The following GPR139 variants were observed in gnomAD, a reference collection of about 807,000 sequenced individuals.
GPR139 encodes probable G protein-coupled receptor 139.
Under a neutral mutation model 25.8 loss-of-function variants are expected in GPR139, and 12 were observed. The ratio of observed to expected loss-of-function variants is 0.47; its 90% CI spans 0.30 to 0.75. The LOEUF is 0.75. GPR139 is among the 30% of genes least tolerant of loss of function. The pLI, the probability that GPR139 is intolerant of heterozygous loss-of-function variation, is 0.07. For synonymous variants in GPR139, 184 were observed against 179.9 expected, an observed-to-expected ratio of 1.02 and a Z score of -0.18; for missense variants, 380 against 450.2, an observed-to-expected ratio of 0.84 and a Z score of 1.41.
At chr16:20,044,736 C>T (rs577580645) in intron 1 of GPR139, among the ~76,000 whole-genome samples, 1 of 152,260 alleles carries the variant, frequency 6.6e-6, no homozygotes, top group African/African-American at 2.4e-5. Context: ...CAGGCAATAC[C>T]TAATAACTAC....
At chr16:20,034,077 G>A (rs72771093) in intron 1 of GPR139, among the ~76,000 whole-genome samples, 27,964 of 151,842 alleles carry the variant, frequency 0.18, 3,338 homozygotes, top group East Asian at 0.35. Context: ...ATATCTAGAA[G>A]TCATTCTACA....
intron 1 of GPR139, among the ~76,000 whole-genome samples, chr16:20,055,264 G>A (rs1394140930): frequency 6.6e-6 from 1 of 152,166 alleles, no homozygotes; most frequent in African/African-American, 2.4e-5. Context: ...CAGGGACATG[G>A]ATAGAGCTGA....
At position 20,029,486 on chromosome 16, in the gene GPR139, T is replaced by TAAATAAATAA. The variant is rs76533933; in HGVS notation, c.*2248_*2249insTTATTTATTT. Among the ~76,000 whole-genome samples, 9,319 of 120,344 alleles carry TAAATAAATAA rather than the reference T, an allele frequency of 0.077. 454 individuals carry two copies. Among genetic ancestry groups the TAAATAAATAA allele is most frequent in the Admixed American group, 0.18 (2,232 of 12,424 alleles). 79.0% of individuals were successfully genotyped at this position (120,344 alleles called of 152,430 possible). On this transcript the variant is annotated 3_prime_UTR_variant, in exon 2 of 2. Transcript: ENST00000570682. ...CATGTTTAAAAAATAAATAAATAAATATATATATATATATATATTCAGTAT... is the reference window on the plus strand; with the variant it reads ...CATGTTTAAAAAATAAATAAATAAATAAATAAATAAATATATATATATATATATTCAGTAT...
chr16:20,043,939 C>T (rs1287891179), intron 1 of GPR139, among the ~76,000 whole-genome samples: 1 of 149,836 alleles, frequency 6.7e-6, no homozygotes, highest in East Asian at 1.9e-4. Context: ...CCAGATGAGC[C>T]TTCTAGATCT....
chr16:20,055,011 A>G (rs1336136851), intron 1 of GPR139, among the ~76,000 whole-genome samples: 1 of 152,166 alleles, frequency 6.6e-6, no homozygotes, highest in Non-Finnish European at 1.5e-5. Context: ...TACAGGTGTG[A>G]ACCACTGTGC....
intron 1 of GPR139, among the ~76,000 whole-genome samples, chr16:20,044,034 G>T (rs995917956): frequency 5.3e-5 from 8 of 152,164 alleles, no homozygotes; most frequent in African/African-American, 1.9e-4. Flanking sequence ...GAGTAAAAAT[G>T]GTACCTGGTT....
chr16:20,030,131 T>C lies in GPR139; in HGVS notation c.*1604A>G, dbSNP rs1193724762. ...AGTATTGAGAGCATTGGCTGAAGTT[T>C]AGGGTTTGTGTTGCCATGGGGCCTT... is the stretch of plus-strand genomic sequence containing the variant. On this transcript the variant is annotated 3_prime_UTR_variant, in exon 2 of 2. Transcript: ENST00000570682. Among the ~76,000 whole-genome samples, 3 of 152,226 alleles carry C rather than the reference T, an allele frequency of 2.0e-5. No individual in the cohort carries two copies.
intron 1 of GPR139, among the ~76,000 whole-genome samples, chr16:20,040,317 A>G (rs1171381902): frequency 2.0e-5 from 3 of 152,184 alleles, no homozygotes; most frequent in Non-Finnish European, 2.9e-5. Flanking sequence ...CTATGCTGCA[A>G]TAGATAACCA....
rs1244518828 is a variant in GPR139, at chr16:20,032,244, A to C, written c.553T>G (p.Trp185Gly). 3 of 1,614,222 alleles carry C rather than the reference A, an allele frequency of 1.9e-6. No homozygotes were observed. The South Asian group carries it at 3.3e-5, about 18-fold the overall frequency. ...ISTSVHHVLIWIHCFTVYLVP... is the reference protein window; with the variant it reads ...ISTSVHHVLIGIHCFTVYLVP... Reference sequence around the variant, plus strand: ...AGGTAGACGGTGAAGCAGTGGATCCAGATGAGGACGTGATGCACAGAGGTG... The same window carrying C: ...AGGTAGACGGTGAAGCAGTGGATCCCGATGAGGACGTGATGCACAGAGGTG... Residue 185 changes from tryptophan to glycine, a missense_variant, in exon 2 of 2, where the codon TGG becomes GGG. Transcript: ENST00000570682.
rs1255427340 is a variant in GPR139, at chr16:20,073,873, C to A, written c.-257G>T. ...GCGCTGCGCGGGGCCTCGGGAGGGGCTCCCGGAGCCCGTCTGTGCGCCTCC... is the reference window on the plus strand; with the variant it reads ...GCGCTGCGCGGGGCCTCGGGAGGGGATCCCGGAGCCCGTCTGTGCGCCTCC... On this transcript the variant is annotated 5_prime_UTR_variant, in exon 1 of 2. Transcript: ENST00000570682. The surrounding 1 kb of genome is among the most constrained non-coding windows in gnomAD (Gnocchi z 4.7). 2.4e-6 allele frequency: 1 copy of A among 423,328 alleles called. No homozygotes were observed. The highest frequency in any genetic ancestry group is 4.1e-6 in the Non-Finnish European group (1 of 241,142). The allele number at this position is 423,328 out of a possible 1,614,324, so 26.2% of individuals were successfully genotyped here. A position where few individuals can be genotyped will look rare whatever the true frequency, so the allele number is the denominator to read the frequency against.
At chr16:20,068,995 C>G (rs1263445898) in intron 1 of GPR139, among the ~76,000 whole-genome samples, 1 of 151,680 alleles carries the variant, frequency 6.6e-6, no homozygotes, top group African/African-American at 2.4e-5. Flanking sequence ...CATGTTATTC[C>G]TCTTATATAT....
intron 1 of GPR139, among the ~76,000 whole-genome samples, chr16:20,040,175 A>G (rs961152979): frequency 1.3e-5 from 2 of 152,210 alleles, no homozygotes; most frequent in Non-Finnish European, 2.9e-5. Context: ...AAGTGGGTGT[A>G]GTCCCACTGC....
chr16:20,037,980 C>G (rs1257364230), intron 1 of GPR139, among the ~76,000 whole-genome samples: 1 of 152,072 alleles, frequency 6.6e-6, no homozygotes, highest in Non-Finnish European at 1.5e-5. Context: ...CTTGCCTCAG[C>G]CTCCTGAGTA....
intron 1 of GPR139, among the ~76,000 whole-genome samples, chr16:20,049,292 T>G (rs945035559): frequency 3.3e-5 from 5 of 152,330 alleles, no homozygotes; most frequent in Middle Eastern, 6.8e-3. Flanking sequence ...ATCTGTTTGC[T>G]GTCATTTTCA....
intron 1 of GPR139, among the ~76,000 whole-genome samples, chr16:20,062,955 C>A (rs546673144): frequency 7.9e-5 from 12 of 152,266 alleles, no homozygotes; most frequent in Non-Finnish European, 1.2e-4. Context: ...AGTCTCTGAC[C>A]TCTATTTAGA....
chr16:20,043,929 C>T (rs2057345235), intron 1 of GPR139, among the ~76,000 whole-genome samples: 1 of 151,782 alleles, frequency 6.6e-6, no homozygotes, highest in Non-Finnish European at 1.5e-5. Context: ...CCTGACAGAT[C>T]CAGATGAGCC....
rs66745046 is a variant in GPR139, at chr16:20,029,482, TAA to T, written c.*2251_*2252del. On this transcript the variant is annotated 3_prime_UTR_variant, in exon 2 of 2. Coordinates refer to ENST00000570682, the MANE Select transcript of GPR139 (RefSeq NM_001002911.4). ...GCTACATGTTTAAAAAATAAATAAATAAATATATATATATATATATATTCAGT... is the reference window on the plus strand; with the variant it reads ...GCTACATGTTTAAAAAATAAATAAATATATATATATATATATATATTCAGT... 0.073 allele frequency among the ~76,000 whole-genome samples: 1,727 copies of T among 23,810 alleles called. 22 individuals are homozygous for T. Among genetic ancestry groups the T allele is most frequent in the African/African-American group, 0.17 (1,599 of 9,142 alleles). The allele number at this position is 23,810 out of a possible 152,430, so 15.6% of individuals were successfully genotyped here. A position where few individuals can be genotyped will look rare whatever the true frequency, so the allele number is the denominator to read the frequency against.
chr16:20,073,610 G>A lies in GPR139; in HGVS notation c.7C>T (p.His3Tyr), dbSNP rs2057468958. 1 of 1,603,852 alleles carries A rather than the reference G, an allele frequency of 6.2e-7. No individual in the cohort carries two copies. Reference protein sequence around the residue: MEHTHAHLAANSS... With the variant: MEYTHAHLAANSS... ...TTGGCTGCGAGGTGGGCGTGCGTGT[G>A]CTCCATGAGCGCGCCCCTCGCTCCC... is the stretch of plus-strand genomic sequence containing the variant. Residue 3 changes from histidine to tyrosine, a missense_variant, in exon 1 of 2, where the codon CAC (histidine) becomes TAC (tyrosine). His to Tyr is a moderately conservative substitution (Grantham distance 83, BLOSUM62 2). Coordinates refer to ENST00000570682, the MANE Select transcript of GPR139 (RefSeq NM_001002911.4). This position sits in a 1 kb window ranked among gnomAD's most constrained non-coding sequence, Gnocchi z 4.7.
chr16:20,031,092 G>C lies in GPR139; in HGVS notation c.*643C>G, dbSNP rs1010202674. Among the ~76,000 whole-genome samples, 6 of 152,122 alleles carry C rather than the reference G, an allele frequency of 3.9e-5. No homozygotes were observed. The highest frequency in any genetic ancestry group is 7.4e-5 in the Non-Finnish European group (5 of 68,024). ...AAACTGCCTTTTAGACCCCAGGTTT[G>C]AGGTCACAGCTATGCGGGTTTGGAG... On this transcript the variant is annotated 3_prime_UTR_variant, in exon 2 of 2. Coordinates refer to ENST00000570682, the MANE Select transcript of GPR139 (RefSeq NM_001002911.4).
Sources: allele counts gnomAD v4.1 joint callset (sites outside exome capture counted in the v4.1 genomes callset), GRCh38; gene constraint gnomAD v4.1.1; non-coding constraint Gnocchi (gnomAD v3.1); transcripts MANE v1.5; gene names NCBI Gene and HGNC (gene_info 2026-07-23, HGNC 2026-07-21).